The following ENTREP2 variants were observed in gnomAD, a reference collection of about 807,000 sequenced individuals.
ENTREP2 encodes the protein protein ENTREP2.
the ENTREP2 span, among the ~76,000 whole-genome samples, chr15:29,333,586 T>C: frequency 0.072 from 11,032 of 152,228 alleles, 591 homozygotes; most frequent in African/African-American, 0.14. Flanking sequence ...AGGATCCCCC[T>C]TCCTCATTTG....
chr15:29,617,004 G>C, the ENTREP2 span, among the ~76,000 whole-genome samples: 1 of 152,198 alleles, frequency 6.6e-6, no homozygotes, highest in African/African-American at 2.4e-5. Flanking sequence ...AGGTTGCAGT[G>C]AGCCGAGATC....
chr15:29,273,832 C>T, the ENTREP2 span, among the ~76,000 whole-genome samples: 1 of 152,290 alleles, frequency 6.6e-6, no homozygotes, highest in African/African-American at 2.4e-5. Context: ...TGGACTTACA[C>T]TAGTGGTTTG....
the ENTREP2 span, among the ~76,000 whole-genome samples, chr15:29,189,910 G>A: frequency 9.8e-4 from 149 of 152,320 alleles, no homozygotes; most frequent in Middle Eastern, 0.014. Context: ...ACGGGGGTCT[G>A]TAGCCTTGCT....
the ENTREP2 span, among the ~76,000 whole-genome samples, chr15:29,432,056 A>T: frequency 6.6e-5 from 10 of 152,182 alleles, no homozygotes; most frequent in Non-Finnish European, 1.3e-4. Context: ...GTAATAGGCC[A>T]TATCACTGCA....
At chr15:29,242,174 G>A in the ENTREP2 span, among the ~76,000 whole-genome samples, 5,504 of 152,124 alleles carry the variant, frequency 0.036, 140 homozygotes, top group Non-Finnish European at 0.057. Context: ...CACCCCCTGC[G>A]TCCCCCTGCC....
chr15:29,368,420 C>A, the ENTREP2 span, among the ~76,000 whole-genome samples: 6 of 151,006 alleles, frequency 4.0e-5, no homozygotes, highest in Non-Finnish European at 7.4e-5. Context: ...ACATATATGA[C>A]CCCTGAGAAA....
the ENTREP2 span, among the ~76,000 whole-genome samples, chr15:29,224,114 G>A: frequency 6.6e-6 from 1 of 152,048 alleles, no homozygotes; most frequent in African/African-American, 2.4e-5. Flanking sequence ...GTTCGGATGC[G>A]TTCACAGTTT....
chr15:29,524,239 G>T, the ENTREP2 span, among the ~76,000 whole-genome samples: 1 of 152,168 alleles, frequency 6.6e-6, no homozygotes, highest in Admixed American at 6.5e-5. Context: ...TCCAAAAAGA[G>T]ATTTGAAGGA....
chr15:29,509,084 A>C, the ENTREP2 span, among the ~76,000 whole-genome samples: 1 of 152,364 alleles, frequency 6.6e-6, no homozygotes, highest in Non-Finnish European at 1.5e-5. Flanking sequence ...TGCAAAAATT[A>C]CATGCATTCC....
chr15:29,514,593 C>T, the ENTREP2 span, among the ~76,000 whole-genome samples: 1 of 152,150 alleles, frequency 6.6e-6, no homozygotes, highest in Admixed American at 6.5e-5. Context: ...AGTGTGGTTC[C>T]ATGCCTTTCC....
chr15:29,248,350 T>C, the ENTREP2 span, among the ~76,000 whole-genome samples: 1 of 152,180 alleles, frequency 6.6e-6, no homozygotes, highest in East Asian at 1.9e-4. Flanking sequence ...GAAACATTGG[T>C]AAATTTGAAT....
At chr15:29,341,805 G>C in the ENTREP2 span, among the ~76,000 whole-genome samples, 1 of 152,170 alleles carries the variant, frequency 6.6e-6, no homozygotes, top group Non-Finnish European at 1.5e-5. Flanking sequence ...AGAAACCGTG[G>C]AAAGTTACAG....
the ENTREP2 span, among the ~76,000 whole-genome samples, chr15:29,350,816 G>A: frequency 1.3e-5 from 2 of 152,074 alleles, no homozygotes; most frequent in African/African-American, 4.8e-5. Context: ...GGTGGCGTGC[G>A]CCTGTAATGC....
At chr15:29,596,947 G>A in the ENTREP2 span, among the ~76,000 whole-genome samples, 1 of 152,116 alleles carries the variant, frequency 6.6e-6, no homozygotes, top group Admixed American at 6.5e-5. Context: ...TGGGATTACA[G>A]ATGTGAGCCA....
the ENTREP2 span, among the ~76,000 whole-genome samples, chr15:29,444,220 AAGAAAGAAAGAAAG>A: frequency 1.3e-5 from 2 of 150,876 alleles, no homozygotes; most frequent in African/African-American, 4.9e-5. Context: ...GAAAGAAAGA[AAGAAAGAAAGAAAG>A]AAAGAAAGAA....
chr15:29,133,017 GC>G, the ENTREP2 span, among the ~76,000 whole-genome samples: 2 of 152,146 alleles, frequency 1.3e-5, no homozygotes, highest in Non-Finnish European at 2.9e-5. Flanking sequence ...CACCCCTGCC[GC>G]CTTCAGGGGT....
the ENTREP2 span, among the ~76,000 whole-genome samples, chr15:29,490,397 G>C: frequency 9.2e-5 from 14 of 152,202 alleles, no homozygotes; most frequent in African/African-American, 2.9e-4. Context: ...ACATGGAAGA[G>C]AACCCAAACA....
At chr15:29,319,661 T>G in the ENTREP2 span, among the ~76,000 whole-genome samples, 14 of 152,162 alleles carry the variant, frequency 9.2e-5, no homozygotes, top group Non-Finnish European at 1.3e-4. Flanking sequence ...AAACAGAAAC[T>G]CAGCAACCTT....
At chr15:29,479,342 C>T in the ENTREP2 span, among the ~76,000 whole-genome samples, 3 of 152,222 alleles carry the variant, frequency 2.0e-5, no homozygotes, top group Admixed American at 6.5e-5. Context: ...GCAGATGCCG[C>T]TATGCTTCCT....
Sources: gnomAD v4.1 joint callset for allele counts (sites outside exome capture counted in the v4.1 genomes callset) on GRCh38, gnomAD v4.1.1 for gene constraint, MANE v1.5 for transcripts, NCBI Gene and HGNC (gene_info 2026-07-23, HGNC 2026-07-21) for gene names.